The following LRRC37A2 variants were observed in gnomAD, a reference collection of about 807,000 sequenced individuals.
The protein encoded by LRRC37A2 is leucine rich repeat containing 37 member A2.
A neutral mutation model predicts 68.8 loss-of-function variants in LRRC37A2; 9 were observed. That is an observed-to-expected ratio of 0.13 (90% CI 0.08 to 0.23). The LOEUF is 0.23. Ranked by LOEUF, LRRC37A2 falls within the 10% of genes least tolerant of loss-of-function variation. The probability of loss-of-function intolerance (pLI) is 1.00; values close to 1 mark genes in which losing one functional copy is unlikely to be tolerated. For synonymous variants in LRRC37A2, 63 were observed against 367.6 expected (o/e 0.17, Z 9.48); for missense variants, 168 against 950.4 (o/e 0.18, Z 10.82).
At chr17:46,940,345 T>C in the LRRC37A2 span, 4 of 1,475,848 alleles carry the variant, frequency 2.7e-6, no homozygotes, top group Non-Finnish European at 3.6e-6. Context: ...CTAAAATGGG[T>C]TGGGGCCCTG....
chr17:47,030,808 T>C, the LRRC37A2 span, among the ~76,000 whole-genome samples: 5 of 151,856 alleles, frequency 3.3e-5, no homozygotes, highest in Admixed American at 2.6e-4. Context: ...TTATGACCAA[T>C]ATGACACCAT....
the LRRC37A2 span, among the ~76,000 whole-genome samples, chr17:46,839,984 TC>T: frequency 3.6e-4 from 52 of 144,268 alleles, no homozygotes; most frequent in African/African-American, 1.2e-3. Flanking sequence ...TTCTCTTCTT[TC>T]TTTCTTTTTT....
the LRRC37A2 span, among the ~76,000 whole-genome samples, chr17:46,597,775 T>TTGG: frequency 1.5e-5 from 2 of 136,786 alleles, no homozygotes; most frequent in South Asian, 4.5e-4. Flanking sequence ...GTTTTTGTTG[T>TTGG]TGTTGCAATA....
the LRRC37A2 span, among the ~76,000 whole-genome samples, chr17:46,955,913 A>G: frequency 1.3e-5 from 2 of 152,130 alleles, no homozygotes; most frequent in Admixed American, 6.5e-5. Context: ...TCTCCATCAG[A>G]CTAGCAACTT....
At chr17:46,753,253 G>T in the LRRC37A2 span, among the ~76,000 whole-genome samples, 1 of 152,228 alleles carries the variant, frequency 6.6e-6, no homozygotes, top group Non-Finnish European at 1.5e-5. Context: ...AGTGTGGGCA[G>T]TGAGCGGCAG....
At chr17:46,728,990 C>T in the LRRC37A2 span, 3 of 1,061,548 alleles carry the variant, frequency 2.8e-6, no homozygotes, top group African/African-American at 3.2e-5. Flanking sequence ...CAGTAAATCG[C>T]ATATAATGAT....
the LRRC37A2 span, among the ~76,000 whole-genome samples, chr17:46,727,638 T>G: frequency 1.3e-5 from 2 of 152,090 alleles, no homozygotes; most frequent in African/African-American, 4.8e-5. Flanking sequence ...AAATTGATAG[T>G]GGGTTTTGGG....
chr17:46,789,636 C>T, the LRRC37A2 span, among the ~76,000 whole-genome samples: 4 of 152,208 alleles, frequency 2.6e-5, no homozygotes, highest in Non-Finnish European at 4.4e-5. Flanking sequence ...CAAATGACAC[C>T]ATGGGGAAGC....
chr17:46,840,849 GT>G, the LRRC37A2 span, among the ~76,000 whole-genome samples: 1 of 152,160 alleles, frequency 6.6e-6, no homozygotes, highest in African/African-American at 2.4e-5. Context: ...TGATGGGGTT[GT>G]TTTTTCTTGT....
chr17:46,802,099 C>T, the LRRC37A2 span, among the ~76,000 whole-genome samples: 3 of 152,182 alleles, frequency 2.0e-5, no homozygotes, highest in East Asian at 1.9e-4. Context: ...ATTTGGTCTT[C>T]GACCTAGTTT....
At chr17:46,739,760 G>A in the LRRC37A2 span, among the ~76,000 whole-genome samples, 34 of 151,204 alleles carry the variant, frequency 2.2e-4, no homozygotes, top group East Asian at 5.8e-4. Context: ...GTGCAGTGGC[G>A]CGATCTCAAC....
the LRRC37A2 span, among the ~76,000 whole-genome samples, chr17:46,833,628 G>A: frequency 1.3e-5 from 2 of 152,278 alleles, no homozygotes; most frequent in South Asian, 2.1e-4. Flanking sequence ...GAGTGAGGGT[G>A]TGTGTGAGTC....
At chr17:46,900,202 T>TATATATATATAC in the LRRC37A2 span, among the ~76,000 whole-genome samples, 5 of 101,168 alleles carry the variant, frequency 4.9e-5, no homozygotes, top group Non-Finnish European at 5.3e-5. Flanking sequence ...TATATATATA[T>TATATATATATAC]ACACACACAC....
the LRRC37A2 span, among the ~76,000 whole-genome samples, chr17:46,847,670 C>T: frequency 4.6e-5 from 7 of 152,130 alleles, no homozygotes; most frequent in South Asian, 2.1e-4. Context: ...CACCTTCCCT[C>T]GGAGCTGCTG....
chr17:46,541,302 A>T (rs570553238), intron 8 of LRRC37A2, among the ~76,000 whole-genome samples: 1 of 150,100 alleles, frequency 6.7e-6, no homozygotes, highest in South Asian at 2.1e-4. Context: ...CCCAGGCTGC[A>T]GTGCAGCGGC....
the LRRC37A2 span, among the ~76,000 whole-genome samples, chr17:46,970,823 A>G: frequency 6.6e-6 from 1 of 152,386 alleles, no homozygotes; most frequent in South Asian, 2.1e-4. Context: ...AACCTTTGTC[A>G]TCATACACTG....
the LRRC37A2 span, among the ~76,000 whole-genome samples, chr17:46,960,739 G>A: frequency 6.6e-6 from 1 of 152,218 alleles, no homozygotes; most frequent in Non-Finnish European, 1.5e-5. Flanking sequence ...AGATAAGTGT[G>A]AGAAGCCAGA....
At chr17:46,609,856 C>G in the LRRC37A2 span, among the ~76,000 whole-genome samples, 1 of 132,128 alleles carries the variant, frequency 7.6e-6, no homozygotes, top group Non-Finnish European at 1.6e-5. Flanking sequence ...GATAGGGTAT[C>G]ACTTTGTCAC....
At chr17:46,725,920 T>C in the LRRC37A2 span, among the ~76,000 whole-genome samples, 1 of 152,238 alleles carries the variant, frequency 6.6e-6, no homozygotes, top group East Asian at 1.9e-4. Context: ...TTCTATCTGA[T>C]TTGAAATTAC....
Sources: allele counts gnomAD v4.1 joint callset (sites outside exome capture counted in the v4.1 genomes callset), GRCh38; gene constraint gnomAD v4.1.1; transcripts MANE v1.5; gene names NCBI Gene and HGNC (gene_info 2026-07-23, HGNC 2026-07-21).